The following CEP112 variants were observed in gnomAD, a reference collection of about 807,000 sequenced individuals.
The protein encoded by CEP112 is centrosomal protein 112, also known as centrosomal protein of 112 kDa.
Under a neutral mutation model 153.0 loss-of-function variants are expected in CEP112, and 127 were observed. That is an observed-to-expected ratio of 0.83 (90% CI 0.72 to 0.96). CEP112 has a LOEUF of 0.96. CEP112 is among the 40% of genes least tolerant of loss of function. The probability of loss-of-function intolerance (pLI) is 0.00; values close to 1 mark genes in which losing one functional copy is unlikely to be tolerated. For synonymous variants in CEP112, 358 were observed against 374.4 expected (o/e 0.96, Z 0.51); for missense variants, 1,089 against 1,101.2 (o/e 0.99, Z 0.16).
In CEP112 at chr17:65,637,271, A is replaced by T; in HGVS notation, c.2800-83T>A. 8 of 911,454 alleles carry T rather than the reference A, an allele frequency of 8.8e-6. No individual in the cohort carries two copies. The South Asian group carries it at 1.1e-4, about 13-fold the overall frequency. The allele number at this position is 911,454 out of a possible 1,614,324, so 56.5% of individuals were successfully genotyped here. A position where few individuals can be genotyped will look rare whatever the true frequency, so the allele number is the denominator to read the frequency against. ...CAAATAGTATGGTAAGATTTTATTT[A>T]AATTCAGACAATTCCCTAGATAAAA... On this transcript the variant is annotated intron_variant, in intron 25 of 26. Coordinates refer to ENST00000535342, the MANE Select transcript of CEP112 (RefSeq NM_001199165.4).
intron 21 of CEP112, among the ~76,000 whole-genome samples, chr17:65,842,990 A>G (rs2057579579): frequency 6.6e-6 from 1 of 152,076 alleles, no homozygotes; most frequent in Non-Finnish European, 1.5e-5. Flanking sequence ...CATGTAACAA[A>G]CCTGCACATG....
At chr17:65,826,169 T>A in intron 21 of CEP112, 14 of 1,614,210 alleles carry the variant, frequency 8.7e-6, no homozygotes, top group Non-Finnish European at 1.2e-5. Flanking sequence ...TTTTCCTGTA[T>A]CCCTCAGAGG....
At position 65,902,225 on chromosome 17, in the gene CEP112, A is replaced by G. The variant is rs1471633014; in HGVS notation, c.2090T>C (p.Leu697Pro). ...VRDHEREIEN[L>P]EKQLRAANME... ...ATTGGCAGCGCGAAGCTGTTTTTCCAGGTTTTCAATTTCCCGTTCATGGTC... is the reference window on the plus strand; with the variant it reads ...ATTGGCAGCGCGAAGCTGTTTTTCCGGGTTTTCAATTTCCCGTTCATGGTC... Residue 697 changes from leucine to proline, a missense_variant, in exon 20 of 27, where the codon CTG becomes CCG. Leu to Pro is a moderately conservative substitution (Grantham distance 98, BLOSUM62 -3). Transcript: ENST00000535342. 6.2e-7 allele frequency: 1 copy of G among 1,613,892 alleles called. No homozygotes were observed. The highest frequency in any genetic ancestry group is 8.5e-7 in the Non-Finnish European group (1 of 1,179,962).
intron 8 of CEP112, among the ~76,000 whole-genome samples, chr17:66,085,884 G>A (rs1473195720): frequency 6.6e-6 from 1 of 151,458 alleles, no homozygotes; most frequent in Non-Finnish European, 1.5e-5. Flanking sequence ...GGCTGAGGTA[G>A]GAGAATTGCT....
At chr17:65,815,789 T>G (rs908981778) in intron 21 of CEP112, among the ~76,000 whole-genome samples, 7 of 152,158 alleles carry the variant, frequency 4.6e-5, no homozygotes, top group Admixed American at 1.3e-4. Context: ...TTTCCAACAT[T>G]CATTGCAAAT....
chr17:65,881,530 G>C (rs1211215445), intron 20 of CEP112, among the ~76,000 whole-genome samples: 1 of 152,004 alleles, frequency 6.6e-6, no homozygotes, highest in East Asian at 1.9e-4. Context: ...TATTGCCTTG[G>C]AAAGAGCTAA....
intron 16 of CEP112, among the ~76,000 whole-genome samples, chr17:66,012,142 C>G (rs572330489): frequency 1.3e-5 from 2 of 152,330 alleles, no homozygotes; most frequent in South Asian, 4.1e-4. Context: ...CTCTCAAAGA[C>G]AGCATACCAT....
chr17:65,675,976 G>A (rs2047213894), intron 24 of CEP112, among the ~76,000 whole-genome samples: 1 of 152,104 alleles, frequency 6.6e-6, no homozygotes, highest in East Asian at 1.9e-4. Flanking sequence ...TGTGATGAAG[G>A]CAGTCTATAC....
intron 18 of CEP112, among the ~76,000 whole-genome samples, chr17:65,931,435 T>C (rs1272812265): frequency 6.6e-6 from 1 of 152,250 alleles, no homozygotes; most frequent in Non-Finnish European, 1.5e-5. Flanking sequence ...CCATGGTTTC[T>C]ACAGTGGGAA....
At chr17:66,009,623 T>C (rs545710176) in intron 16 of CEP112, among the ~76,000 whole-genome samples, 2 of 152,328 alleles carry the variant, frequency 1.3e-5, no homozygotes, top group Admixed American at 6.5e-5. Flanking sequence ...TTAATCCATA[T>C]TGACTTTATG....
intron 23 of CEP112, among the ~76,000 whole-genome samples, chr17:65,698,379 T>C (rs1273040097): frequency 1.3e-5 from 2 of 152,210 alleles, no homozygotes; most frequent in African/African-American, 2.4e-5. Flanking sequence ...TTTCACTTTT[T>C]CTCTTTCCTT....
chr17:66,073,564 G>A (rs1267853632), intron 8 of CEP112, among the ~76,000 whole-genome samples: 1 of 152,202 alleles, frequency 6.6e-6, no homozygotes, highest in African/African-American at 2.4e-5. Flanking sequence ...CCAAAGACCT[G>A]CCCAGCCAGG....
intron 22 of CEP112, among the ~76,000 whole-genome samples, chr17:65,745,282 C>T (rs566712182): frequency 6.6e-6 from 1 of 152,336 alleles, no homozygotes; most frequent in South Asian, 2.1e-4. Flanking sequence ...CAGCCTTCTG[C>T]TATGAGTGGA....
intron 23 of CEP112, among the ~76,000 whole-genome samples, chr17:65,719,489 C>T (rs1016115754): frequency 1.3e-5 from 2 of 151,996 alleles, no homozygotes; most frequent in Admixed American, 6.6e-5. Context: ...GGCTGAGGCA[C>T]GAGAATCACT....
At chr17:65,735,222 C>T (rs1469241264) in intron 23 of CEP112, among the ~76,000 whole-genome samples, 1 of 152,116 alleles carries the variant, frequency 6.6e-6, no homozygotes, top group African/African-American at 2.4e-5. Flanking sequence ...CTTGAAATGC[C>T]AGGCTTGTTT....
chr17:65,919,343 C>A (rs533581352), intron 19 of CEP112, among the ~76,000 whole-genome samples: 2 of 152,252 alleles, frequency 1.3e-5, no homozygotes, highest in Admixed American at 1.3e-4. Context: ...GCTCACACTC[C>A]CCCGGGGATC....
intron 20 of CEP112, among the ~76,000 whole-genome samples, chr17:65,866,961 C>T (rs2058508492): frequency 6.6e-6 from 1 of 151,164 alleles, no homozygotes; most frequent in African/African-American, 2.4e-5. Flanking sequence ...AACCCATGCC[C>T]CTTGCTCACC....
chr17:65,760,967 T>G (rs1173770535), intron 21 of CEP112, among the ~76,000 whole-genome samples: 1 of 152,240 alleles, frequency 6.6e-6, no homozygotes, highest in African/African-American at 2.4e-5. Flanking sequence ...TTTCTGCCTG[T>G]GCGAGTTTTG....
intron 8 of CEP112, among the ~76,000 whole-genome samples, chr17:66,090,564 G>T (rs2146240991): frequency 6.6e-6 from 1 of 152,050 alleles, no homozygotes; most frequent in Admixed American, 6.5e-5. Flanking sequence ...AACATAAAAA[G>T]AAAGGATTCA....
Sources: gnomAD v4.1 joint callset for allele counts (sites outside exome capture counted in the v4.1 genomes callset) on GRCh38, gnomAD v4.1.1 for gene constraint, MANE v1.5 for transcripts, NCBI Gene and HGNC (gene_info 2026-07-23, HGNC 2026-07-21) for gene names.